The following NES variants were observed in gnomAD, a reference collection of about 807,000 sequenced individuals.
NES encodes nestin.
Under a neutral mutation model 35.6 loss-of-function variants are expected in NES, and 27 were observed. The observed-to-expected ratio is 0.76, with a 90% CI of 0.56 to 1.04. The LOEUF is 1.04. Ranked by LOEUF, NES falls within the 50% of genes least tolerant of loss-of-function variation. The pLI is 0.00. For missense variants in NES, 1,867 were observed against 1,983.6 expected (o/e 0.94, Z 1.12); for synonymous variants, 822 against 824.2 (o/e 1.00, Z 0.04).
chr1:156,671,392 C>A lies in NES; in HGVS notation c.2796G>T (p.Leu932=), dbSNP rs763029235. The part of the protein sequence containing the change: ...NLGKGEYQES[L]RSLEEEGQEL... ...CCTGTCCCTCCTCCTCCAGAGACCT[C>A]AGTGACTCTTGGTACTCTCCCTTTC... Residue 932 remains leucine, a synonymous_variant, in exon 4 of 4, where the codon CTG becomes CTT. Coordinates refer to ENST00000368223, the MANE Select transcript of NES (RefSeq NM_006617.2). The A allele has an allele frequency of 6.2e-7, 1 of 1,614,062 alleles. No individual in the cohort carries two copies. The highest frequency in any genetic ancestry group is 8.5e-7 in the Non-Finnish European group (1 of 1,180,032).
rs141223881 is a variant in NES at position 156,677,340 on chromosome 1, A to T, written c.-76T>A. On this transcript the variant is annotated 5_prime_UTR_variant, in exon 1 of 4. Transcript: ENST00000368223. The surrounding 1 kb of genome is among the most constrained non-coding windows in gnomAD (Gnocchi z 4.5). ...GGGAGCGGCTCGCAGAGCTTTTAGG[A>T]CGGAAGAGAAAAGAGACCGACGGGG... The T allele has an allele frequency of 7.4e-4, 610 of 818,800 alleles. 1 individual carries two copies. In the African/African-American group the frequency reaches 0.011, roughly 14 times the overall value. 50.7% of individuals were successfully genotyped at this position (818,800 alleles called of 1,614,324 possible). A position where few individuals can be genotyped will look rare whatever the true frequency, so the allele number is the denominator to read the frequency against.
In NES at chr1:156,672,235, C is replaced by G. The variant is rs775193187; in HGVS notation, c.1953G>C (p.Thr651=). 17 of 1,596,978 alleles carry G rather than the reference C, an allele frequency of 1.1e-5. No homozygotes were observed. Among genetic ancestry groups the G allele is most frequent in the Non-Finnish European group, 1.4e-5 (16 of 1,175,006 alleles). Reference sequence around the variant, plus strand: ...GAGAACTTACTAATTCTTGATTTTCCGTTCCTGGAAATAAAAATGTCTCTA... The same window carrying G: ...GAGAACTTACTAATTCTTGATTTTCGGTTCCTGGAAATAAAAATGTCTCTA... ...GNLETFLFPG[T]ENQELVSSLQ... is the part of the protein sequence containing the mutation. Residue 651 remains threonine, a synonymous_variant, in exon 4 of 4, where the codon ACG becomes ACC. Coordinates refer to ENST00000368223, the MANE Select transcript of NES (RefSeq NM_006617.2).
intron 1 of NES, among the ~76,000 whole-genome samples, chr1:156,675,642 A>C (rs1647259484): frequency 6.6e-6 from 1 of 151,624 alleles, no homozygotes; most frequent in Non-Finnish European, 1.5e-5. Context: ...CAGGAAGGGG[A>C]GGTGAGGGAG....
chr1:156,673,204 G>A lies in NES; in HGVS notation c.984C>T (p.Asp328=). The A allele has an allele frequency of 1.3e-6, 2 of 1,510,288 alleles. No individual in the cohort carries two copies. The highest frequency in any genetic ancestry group is 1.8e-6 in the Non-Finnish European group (2 of 1,129,558). 93.6% of individuals were successfully genotyped at this position (1,510,288 alleles called of 1,614,324 possible). The part of the protein sequence containing the change: ...GGSKTSLSFQ[D]PKLELQFPRT... ...TAGGGAATTGCAGCTCCAGCTTGGG[G>A]TCTGGAAAGGCAGAGGGGGAAGAAA... Residue 328 remains aspartate (D), a splice_region_variant and synonymous_variant, in exon 4 of 4, where the codon GAC becomes GAT. Coordinates refer to ENST00000368223, the MANE Select transcript of NES (RefSeq NM_006617.2).
rs1679767858 is a variant in NES at position 156,672,992 on chromosome 1, G to A, written c.1196C>T (p.Pro399Leu). Reference protein sequence around the residue: ...PIPPTPQAPSPAVDAEIRAQD... With the variant: ...PIPPTPQAPSLAVDAEIRAQD... ...GGCTCTGATCTCTGCATCTACAGCA[G>A]GAGAGGGTGCCTGAGGTGTGGGGGG... The change falls in exon 4 of 4, where the codon CCT becomes CTT. Residue 399 changes from proline to leucine, a missense_variant. Coordinates refer to ENST00000368223, the MANE Select transcript of NES (RefSeq NM_006617.2). 4 of 1,613,688 alleles carry A rather than the reference G, an allele frequency of 2.5e-6. No individual in the cohort carries two copies. The Middle Eastern group carries it at 4.9e-4, about 200-fold the overall frequency.
At chr1:156,675,569 C>T (rs1647253355) in intron 1 of NES, among the ~76,000 whole-genome samples, 2 of 152,190 alleles carry the variant, frequency 1.3e-5, no homozygotes, top group Non-Finnish European at 1.5e-5. Context: ...TCTCCCATGG[C>T]CTGCTCCTCC....
rs1248676303 is a variant in NES, at chr1:156,670,993, G to A, written c.3195C>T (p.Pro1065=). 3 of 1,611,016 alleles carry A rather than the reference G, an allele frequency of 1.9e-6. No individual in the cohort carries two copies. Among genetic ancestry groups the A allele is most frequent in the Non-Finnish European group, 2.5e-6 (3 of 1,179,000 alleles). ...CTGGGGCCACATCATCTTCCACCAG[G>A]GGCTCTATCGCCTCTGGCAGCCCCT... ...APQGLPEAIE[P]LVEDDVAPGG... is the part of the protein sequence containing the mutation. Residue 1065 remains proline, a synonymous_variant, in exon 4 of 4, where the codon CCC becomes CCT. Transcript: ENST00000368223.
rs1314928129 is a variant in NES at position 156,673,223 on chromosome 1, G to A, written c.983-18C>T. ...CTTGGGGTCTGGAAAGGCAGAGGGG[G>A]AAGAAACAGCATCAGTATATCACTG... is the stretch of plus-strand genomic sequence containing the variant. On this transcript the variant is annotated intron_variant, in intron 3 of 3. Transcript: ENST00000368223. 4 of 1,486,088 alleles carry A rather than the reference G, an allele frequency of 2.7e-6. No individual in the cohort carries two copies. In the East Asian group the frequency reaches 9.3e-5, roughly 35 times the overall value. 92.1% of individuals were successfully genotyped at this position (1,486,088 alleles called of 1,614,324 possible).
At position 156,670,717 on chromosome 1, in the gene NES, C is replaced by A. The variant is rs1223229568; in HGVS notation, c.3471G>T (p.Leu1157=). The A allele has an allele frequency of 3.7e-6, 6 of 1,614,042 alleles. No individual in the cohort carries two copies. Among genetic ancestry groups the A allele is most frequent in the Non-Finnish European group, 5.1e-6 (6 of 1,179,964 alleles). ...AGGLGTEFSE[L]PGKSRDPWEP... ...CCCAAGGGTCTCTGCTCTTCCCAGGCAGCTCGGAGAACTCTGTCCCCAGAC... is the reference window on the plus strand; with the variant it reads ...CCCAAGGGTCTCTGCTCTTCCCAGGAAGCTCGGAGAACTCTGTCCCCAGAC... Residue 1157 remains leucine, a synonymous_variant, in exon 4 of 4, where the codon CTG becomes CTT. Coordinates refer to ENST00000368223, the MANE Select transcript of NES (RefSeq NM_006617.2).
In NES at chr1:156,670,046, C is replaced by T. The variant is rs1464218926; in HGVS notation, c.4142G>A (p.Gly1381Glu). The change falls in exon 4 of 4, where the codon GGG becomes GAG. Residue 1381 changes from glycine (G) to glutamate (E), a missense_variant. By Grantham distance (98) the Gly-to-Glu change is moderately conservative. Transcript: ENST00000368223. The part of the protein sequence containing the change: ...DLGTEAPFLP[G>E]VPGEVAEPLG... ...AGGTTCTGCCACCTCCCCAGGGACC[C>T]CAGGAAGAAAAGGTGCCTCAGTCCC... 1.2e-6 allele frequency: 2 copies of T among 1,613,898 alleles called. No homozygotes were observed. The highest frequency in any genetic ancestry group is 2.7e-5 in the African/African-American group (2 of 74,902).
In NES at chr1:156,676,330, G is replaced by C. The variant is rs1647290158; in HGVS notation, c.783+152C>G. On this transcript the variant is annotated intron_variant, in intron 1 of 3. Coordinates refer to ENST00000368223, the MANE Select transcript of NES (RefSeq NM_006617.2). This position sits in a 1 kb window ranked among gnomAD's most constrained non-coding sequence, Gnocchi z 5.3. ...ATCCTACACTAGACGGGCTGTAAAA[G>C]TCTAGGACTTGTGGCACCAGGTTTC... 1 of 738,874 alleles carries C rather than the reference G, an allele frequency of 1.4e-6. No individual in the cohort carries two copies. The allele number at this position is 738,874 out of a possible 1,614,324, so 45.8% of individuals were successfully genotyped here.
In NES at chr1:156,673,484, C is replaced by T. The variant is rs778171166; in HGVS notation, c.952G>A (p.Gly318Ser). ...AENSRLQTPGGGSKTSLSFQD... is the reference protein window; with the variant it reads ...AENSRLQTPGSGSKTSLSFQD... ...AAGCTGAGGGAAGTCTTGGAGCCAC[C>T]GCCAGGTGTTTGCAGCCGGGAGTTC... The change falls in exon 3 of 4, where the codon GGT becomes AGT. Residue 318 changes from glycine to serine, a missense_variant. Transcript: ENST00000368223. The T allele has an allele frequency of 3.0e-5, 49 of 1,613,172 alleles. No individual in the cohort carries two copies. Among genetic ancestry groups the T allele is most frequent in the African/African-American group, 6.7e-5 (5 of 74,884 alleles).
chr1:156,676,584 C>T lies in NES; in HGVS notation c.681G>A (p.Gln227=). The change falls in exon 1 of 4, where the codon CAG becomes CAA. Residue 227 remains glutamine, a synonymous_variant. Transcript: ENST00000368223. This position sits in a 1 kb window ranked among gnomAD's most constrained non-coding sequence, Gnocchi z 5.3. The stretch of plus-strand genomic sequence containing the variant: ...GGAGGCCTCCGCGCTCAGCCTGGAG[C>T]TGCTGCAGCTCCAGGCGGCCCTCGC... The part of the protein sequence containing the change: ...GAREGRLELQ[Q]LQAERGGLLE... 6.3e-7 allele frequency: 1 copy of T among 1,582,632 alleles called. No individual in the cohort carries two copies. Among genetic ancestry groups the T allele is most frequent in the Admixed American group, 1.7e-5 (1 of 58,060 alleles).
Position 156,671,901 on chromosome 1 carries a change from G to C in NES, c.2287C>G (p.Gln763Glu). The C allele has an allele frequency of 6.2e-7, 1 of 1,614,080 alleles. No homozygotes were observed. Reference protein sequence around the residue: ...ETLRTLEKETQQRRRSLGEQD... With the variant: ...ETLRTLEKETEQRRRSLGEQD... Reference sequence around the variant, plus strand: ...TCCCCTAGAGACCTCCGTCGCTGTTGAGTCTCTTTTTCAAGAGTTCTCAAT... The same window carrying C: ...TCCCCTAGAGACCTCCGTCGCTGTTCAGTCTCTTTTTCAAGAGTTCTCAAT... Residue 763 changes from glutamine to glutamate, a missense_variant, in exon 4 of 4, where the codon CAA becomes GAA. Physicochemically the swap from Gln to Glu is conservative, Grantham distance 29. Coordinates refer to ENST00000368223, the MANE Select transcript of NES (RefSeq NM_006617.2).
At position 156,672,420 on chromosome 1, in the gene NES, C is replaced by T. The variant is rs1255847987; in HGVS notation, c.1768G>A (p.Glu590Lys). The T allele has an allele frequency of 6.2e-6, 10 of 1,611,686 alleles. No homozygotes were observed. Among genetic ancestry groups the T allele is most frequent in the Middle Eastern group, 1.6e-4 (1 of 6,076 alleles). The change falls in exon 4 of 4, where the codon GAA becomes AAA. Residue 590 changes from glutamate to lysine, a missense_variant. Coordinates refer to ENST00000368223, the MANE Select transcript of NES (RefSeq NM_006617.2). ...EEDLETLKSL[E>K]KENKELLKDV... ...TTTAATAGCTCTTTATTTTCCTTTTCTAGACTTTTTAGTGTTTCTAAGTCT... is the reference window on the plus strand; with the variant it reads ...TTTAATAGCTCTTTATTTTCCTTTTTTAGACTTTTTAGTGTTTCTAAGTCT...
In NES at chr1:156,672,799, A is replaced by G. The variant is rs779740175; in HGVS notation, c.1389T>C (p.His463=). Residue 463 remains histidine, a synonymous_variant, in exon 4 of 4, where the codon CAT becomes CAC. Transcript: ENST00000368223. ...GGCTGAGGGGTGGTGCCAAGGAGGCATGGTCCTCTGGGGACTGGCCTGTAC... is the reference window on the plus strand; with the variant it reads ...GGCTGAGGGGTGGTGCCAAGGAGGCGTGGTCCTCTGGGGACTGGCCTGTAC... ...EASTGQSPED[H]ASLAPPLSPD... 1.9e-6 allele frequency: 3 copies of G among 1,613,708 alleles called. No homozygotes were observed. The East Asian group carries it at 6.7e-5, about 36-fold the overall frequency.
chr1:156,672,430 T>A lies in NES; in HGVS notation c.1758A>T (p.Leu586=). Residue 586 remains leucine (L), a synonymous_variant, in exon 4 of 4, where the codon CTA becomes CTT. Transcript: ENST00000368223. ...PRSLEEDLET[L]KSLEKENKEL... is the part of the protein sequence containing the mutation. Reference sequence around the variant, plus strand: ...CTTTATTTTCCTTTTCTAGACTTTTTAGTGTTTCTAAGTCTTCTTCTAAAG... The same window carrying A: ...CTTTATTTTCCTTTTCTAGACTTTTAAGTGTTTCTAAGTCTTCTTCTAAAG... 6.2e-7 allele frequency: 1 copy of A among 1,611,812 alleles called. No individual in the cohort carries two copies. Among genetic ancestry groups the A allele is most frequent in the Non-Finnish European group, 8.5e-7 (1 of 1,179,560 alleles).
In NES at chr1:156,671,860, T is replaced by C; in HGVS notation, c.2328A>G (p.Thr776=). 1 of 1,613,962 alleles carries C rather than the reference T, an allele frequency of 6.2e-7. No individual in the cohort carries two copies. Among genetic ancestry groups the C allele is most frequent in the African/African-American group, 1.3e-5 (1 of 75,004 alleles). Residue 776 remains threonine (T), a synonymous_variant, in exon 4 of 4, where the codon ACA becomes ACG. Transcript: ENST00000368223. ...GATCCACTTTTTCTGGGGGTCTTAATGTCATCTGATCCTGTTCCCCTAGAG... is the reference window on the plus strand; with the variant it reads ...GATCCACTTTTTCTGGGGGTCTTAACGTCATCTGATCCTGTTCCCCTAGAG... The part of the protein sequence containing the change: ...RRSLGEQDQM[T]LRPPEKVDLE...
intron 2 of NES, among the ~76,000 whole-genome samples, 169 bp downstream of exon 2, chr1:156,675,047 G>A (rs539627303): frequency 4.6e-5 from 7 of 152,332 alleles, no homozygotes; most frequent in Middle Eastern, 3.4e-3. Flanking sequence ...GGGAGCAGAC[G>A]GTTTCAGGCA....
Sources: allele counts gnomAD v4.1 joint callset (sites outside exome capture counted in the v4.1 genomes callset), GRCh38; gene constraint gnomAD v4.1.1; non-coding constraint Gnocchi (gnomAD v3.1); transcripts MANE v1.5; gene names NCBI Gene and HGNC (gene_info 2026-07-23, HGNC 2026-07-21).